The following RAI14 variants were observed in gnomAD, a reference collection of about 807,000 sequenced individuals.
RAI14 encodes retinoic acid induced 14, also known as ankycorbin.
In RAI14, 45 loss-of-function variants were observed where a neutral mutation model predicts 115.4. That is an observed-to-expected ratio of 0.39 (90% CI 0.31 to 0.50). RAI14 has a LOEUF of 0.50. RAI14 is among the 20% of genes least tolerant of loss of function. RAI14 has a pLI of 0.85. For missense variants in RAI14, 939 were observed against 1,131.2 expected (o/e 0.83, Z 2.44); for synonymous variants, 371 against 415.4 (o/e 0.89, Z 1.30).
chr5:34,801,609 C>T (rs532624438), intron 4 of RAI14, among the ~76,000 whole-genome samples: 7 of 152,274 alleles, frequency 4.6e-5, no homozygotes, highest in African/African-American at 1.7e-4. Flanking sequence ...GGCCTGGTGG[C>T]ACGCACCTGT....
At chr5:34,691,301 A>C (rs1167023850) in intron 2 of RAI14, among the ~76,000 whole-genome samples, 1 of 152,242 alleles carries the variant, frequency 6.6e-6, no homozygotes, top group Non-Finnish European at 1.5e-5. Flanking sequence ...CTGAGTATTT[A>C]AAGAAGAATA....
intron 3 of RAI14, among the ~76,000 whole-genome samples, chr5:34,769,872 A>G (rs572135532): frequency 9.2e-5 from 14 of 152,280 alleles, no homozygotes; most frequent in African/African-American, 3.4e-4. Context: ...GATTTCAGGC[A>G]TGTGCCACAA....
At chr5:34,771,945 C>T (rs1023164701) in intron 3 of RAI14, among the ~76,000 whole-genome samples, 1 of 152,062 alleles carries the variant, frequency 6.6e-6, no homozygotes, top group East Asian at 1.9e-4. Flanking sequence ...CTGTTGCCCA[C>T]GTTGGAGTGC....
At chr5:34,696,967 C>A (rs1000749192) in intron 2 of RAI14, among the ~76,000 whole-genome samples, 1 of 151,682 alleles carries the variant, frequency 6.6e-6, no homozygotes, top group Non-Finnish European at 1.5e-5. Context: ...CCTATCTCTA[C>A]TAAAAATACA....
chr5:34,781,870 CAG>C lies in RAI14; in HGVS notation c.168-14068_168-14067del, dbSNP rs371115583. On this transcript the variant is annotated intron_variant, in intron 3 of 17. Transcript: ENST00000265109. Reference sequence around the variant, plus strand: ...AAATACAGAGTGTGGAGTGGGAAATCAGGGGTCTCACAGCCTTCAGAGCTGAG... The same window carrying C: ...AAATACAGAGTGTGGAGTGGGAAATCGGGTCTCACAGCCTTCAGAGCTGAG... Among the ~76,000 whole-genome samples the C allele has an allele frequency of 5.5e-3, 842 of 152,268 alleles. 9 individuals carry two copies. Among genetic ancestry groups the C allele is most frequent in the African/African-American group, 0.019 (795 of 41,546 alleles).
At chr5:34,681,576 C>A (rs937793970) in intron 1 of RAI14, among the ~76,000 whole-genome samples, 2 of 152,076 alleles carry the variant, frequency 1.3e-5, no homozygotes, top group Non-Finnish European at 2.9e-5. Context: ...CTCACTGTAG[C>A]CTTGAACTCC....
chr5:34,765,117 T>C (rs1299350128), intron 3 of RAI14, among the ~76,000 whole-genome samples: 2 of 152,244 alleles, frequency 1.3e-5, no homozygotes, highest in Non-Finnish European at 2.9e-5. Flanking sequence ...TCCCCAGCCA[T>C]GTGGAACTGT....
intron 4 of RAI14, among the ~76,000 whole-genome samples, chr5:34,797,057 C>A (rs1389755672): frequency 3.3e-5 from 5 of 152,152 alleles, no homozygotes; most frequent in African/African-American, 1.2e-4. Flanking sequence ...AGAAGGAGCC[C>A]CTGGGGTCTC....
chr5:34,803,027 C>T (rs929410931), intron 4 of RAI14, among the ~76,000 whole-genome samples: 1 of 152,178 alleles, frequency 6.6e-6, no homozygotes, highest in African/African-American at 2.4e-5. Context: ...CTGGATTCCT[C>T]AGCCTGTGGT....
At chr5:34,766,898 T>C (rs1749454949) in intron 3 of RAI14, among the ~76,000 whole-genome samples, 1 of 152,182 alleles carries the variant, frequency 6.6e-6, no homozygotes, top group Non-Finnish European at 1.5e-5. Context: ...TGGGTGTGGC[T>C]TCTCCCATAC....
At chr5:34,668,113 A>G (rs1743350588) in intron 1 of RAI14, among the ~76,000 whole-genome samples, 1 of 152,126 alleles carries the variant, frequency 6.6e-6, no homozygotes, top group Admixed American at 6.5e-5. Context: ...AAAGACAGCC[A>G]AGACAGGGGT....
chr5:34,675,524 C>T (rs770898019), intron 1 of RAI14, among the ~76,000 whole-genome samples: 3 of 152,040 alleles, frequency 2.0e-5, no homozygotes, highest in African/African-American at 2.4e-5. Flanking sequence ...AGGCACAGGC[C>T]GGAGGAACGT....
Position 34,808,645 on chromosome 5 carries a change from C to G in RAI14, c.441C>G (p.Leu147=), listed in dbSNP as rs747032157. The change falls in exon 7 of 18, where the codon CTC becomes CTG. Residue 147 remains leucine, a synonymous_variant. Coordinates refer to ENST00000265109, the MANE Select transcript of RAI14 (RefSeq NM_015577.3). ...GCGAACACAAGAGCCCCATAAACCT[C>G]AAAGATTTGGTAAGTACCAGGTGGT... is the stretch of plus-strand genomic sequence containing the variant. ...ILCEHKSPIN[L]KDLDGNIPLL... is the part of the protein sequence containing the mutation. The G allele has an allele frequency of 4.7e-5, 76 of 1,614,048 alleles. 1 individual carries two copies. The highest frequency in any genetic ancestry group is 6.4e-5 in the Non-Finnish European group (76 of 1,180,004).
chr5:34,757,140 T>G (rs1325007247), intron 2 of RAI14, among the ~76,000 whole-genome samples: 1 of 152,236 alleles, frequency 6.6e-6, no homozygotes, highest in East Asian at 1.9e-4. Flanking sequence ...GCTGTCTAGT[T>G]CAGCGAGAAA....
At chr5:34,703,695 C>T (rs1740352499) in intron 2 of RAI14, among the ~76,000 whole-genome samples, 1 of 152,112 alleles carries the variant, frequency 6.6e-6, no homozygotes. Flanking sequence ...ACTATGTGAG[C>T]ATATTGGTAG....
rs546794575 is a variant in RAI14 at position 34,803,581 on chromosome 5, A to G, written c.257-131A>G. On this transcript the variant is annotated intron_variant, in intron 4 of 17. Coordinates refer to ENST00000265109, the MANE Select transcript of RAI14 (RefSeq NM_015577.3). ...CAAAAAACAAAAAAACAAACAAACA[A>G]AAAAACACAGTTCCGTCTTTTTTGG... 1.4e-5 allele frequency: 11 copies of G among 796,316 alleles called. No homozygotes were observed. In the African/African-American group the frequency reaches 1.9e-4, roughly 14 times the overall value. The allele number at this position is 796,316 out of a possible 1,614,324, so 49.3% of individuals were successfully genotyped here.
chr5:34,748,973 C>T (rs1017252005), intron 2 of RAI14, among the ~76,000 whole-genome samples: 7 of 152,178 alleles, frequency 4.6e-5, no homozygotes, highest in South Asian at 2.1e-4. Context: ...GATACATATC[C>T]GTAAGTACTG....
In RAI14 at chr5:34,830,639, C is replaced by G. The variant is rs79058208; in HGVS notation, c.2866-49C>G. On this transcript the variant is annotated intron_variant, in intron 17 of 17. Coordinates refer to ENST00000265109, the MANE Select transcript of RAI14 (RefSeq NM_015577.3). Reference sequence around the variant, plus strand: ...TCTCATTCCCCAGAGAAGAAAGTGCCATGGCTTAATTTAGGTTCTAATGAG... The same window carrying G: ...TCTCATTCCCCAGAGAAGAAAGTGCGATGGCTTAATTTAGGTTCTAATGAG... 6,086 of 1,611,970 alleles carry G rather than the reference C, an allele frequency of 3.8e-3. 126 individuals are homozygous for G. The African/African-American group carries it at 0.059, about 16-fold the overall frequency.
At chr5:34,714,765 C>T (rs1284325813) in intron 2 of RAI14, among the ~76,000 whole-genome samples, 1 of 152,168 alleles carries the variant, frequency 6.6e-6, no homozygotes, top group Non-Finnish European at 1.5e-5. Context: ...TTTCTGTCCA[C>T]CTCTCTGCTA....
Sources: allele counts gnomAD v4.1 joint callset (sites outside exome capture counted in the v4.1 genomes callset), GRCh38; gene constraint gnomAD v4.1.1; transcripts MANE v1.5; gene names NCBI Gene and HGNC (gene_info 2026-07-23, HGNC 2026-07-21).